The following PSD3 variants were observed in gnomAD, a reference collection of about 807,000 sequenced individuals.
PSD3 encodes pleckstrin and Sec7 domain containing 3, also known as PH and SEC7 domain-containing protein 3.
Under a neutral mutation model 105.5 loss-of-function variants are expected in PSD3, and 49 were observed. The observed-to-expected ratio is 0.46, with a 90% CI of 0.37 to 0.59. The LOEUF is 0.59. PSD3 is among the 20% of genes least tolerant of loss of function. The pLI is 0.00. For synonymous variants in PSD3, 557 were observed against 457.8 expected (o/e 1.22, Z -2.77); for missense variants, 1,561 against 1,263.8 (o/e 1.24, Z -3.57).
At chr8:18,753,403 G>C (rs1013995744) in intron 9 of PSD3, among the ~76,000 whole-genome samples, 1 of 151,514 alleles carries the variant, frequency 6.6e-6, no homozygotes. Flanking sequence ...AACTCCCTCT[G>C]ACAAGATGGT....
chr8:18,997,887 T>C (rs111265423), intron 1 of PSD3, among the ~76,000 whole-genome samples: 1,656 of 152,100 alleles, frequency 0.011, 50 homozygotes, highest in African/African-American at 0.038. Context: ...TGCCTTATTT[T>C]TCCCTGAAGG....
At chr8:18,924,133 G>T (rs1821210776) in intron 2 of PSD3, among the ~76,000 whole-genome samples, 1 of 152,112 alleles carries the variant, frequency 6.6e-6, no homozygotes, top group Non-Finnish European at 1.5e-5. Context: ...GGCCAGTGTG[G>T]AATAAGGTGG....
intron 12 of PSD3, among the ~76,000 whole-genome samples, chr8:18,589,317 T>C (rs974003322): frequency 6.6e-6 from 1 of 152,198 alleles, no homozygotes; most frequent in Non-Finnish European, 1.5e-5. Context: ...ATTTCTCCCT[T>C]GTCATGACCC....
chr8:18,870,249 A>C (rs1445567948), intron 3 of PSD3, among the ~76,000 whole-genome samples: 1 of 152,180 alleles, frequency 6.6e-6, no homozygotes, highest in African/African-American at 2.4e-5. Flanking sequence ...TATAAACTAT[A>C]AAATGTGGTG....
At chr8:18,814,826 T>A (rs1812069189) in intron 4 of PSD3, among the ~76,000 whole-genome samples, 1 of 151,378 alleles carries the variant, frequency 6.6e-6, no homozygotes, top group South Asian at 2.1e-4. Context: ...CCATTGGACA[T>A]TCTCTTCTGT....
chr8:18,946,318 G>A (rs923561661), intron 1 of PSD3, among the ~76,000 whole-genome samples: 14 of 152,106 alleles, frequency 9.2e-5, no homozygotes, highest in Non-Finnish European at 1.8e-4. Flanking sequence ...GGCTCATGCT[G>A]TAATCTCAAT....
At chr8:18,665,882 C>G (rs1164182227) in intron 9 of PSD3, among the ~76,000 whole-genome samples, 1 of 152,272 alleles carries the variant, frequency 6.6e-6, no homozygotes, top group South Asian at 2.1e-4. Flanking sequence ...AATGATGCAG[C>G]AAGCTTAATT....
At position 18,527,596 on chromosome 8, in the gene PSD3, G is replaced by C. The variant is rs930497287; in HGVS notation, c.*8147C>G. 6.6e-6 allele frequency: 1 copy of C among 152,500 alleles called. No individual in the cohort carries two copies. The highest frequency in any genetic ancestry group is 1.5e-5 in the Non-Finnish European group (1 of 68,024). The allele number at this position is 152,500 out of a possible 1,614,324, so 9.4% of individuals were successfully genotyped here. ...GATTTACTTGAACAACAGTGAAATA[G>C]GGTAATATTTATATACAACTATTTT... is the stretch of plus-strand genomic sequence containing the variant. On this transcript the variant is annotated 3_prime_UTR_variant, in exon 16 of 16. Coordinates refer to ENST00000327040, the MANE Select transcript of PSD3 (RefSeq NM_015310.4).
intron 8 of PSD3, among the ~76,000 whole-genome samples, chr8:18,790,575 T>A (rs1222837503): frequency 6.6e-6 from 1 of 152,062 alleles, no homozygotes; most frequent in Non-Finnish European, 1.5e-5. Flanking sequence ...GTGCTGGGAT[T>A]ACAGGCGTGA....
intron 3 of PSD3, 110 bp from the exon 4 acceptor site, chr8:18,868,179 A>C: frequency 8.4e-7 from 1 of 1,195,996 alleles, no homozygotes; most frequent in East Asian, 2.4e-5. Context: ...TCTTCTATTC[A>C]TTGACTTATA....
At chr8:19,062,824 A>G (rs1828949463) in intron 1 of PSD3, among the ~76,000 whole-genome samples, 1 of 152,238 alleles carries the variant, frequency 6.6e-6, no homozygotes, top group African/African-American at 2.4e-5. Flanking sequence ...CAGACATGTG[A>G]TCACTCACGT....
At chr8:18,873,364 C>T (rs1416760845) in intron 2 of PSD3, among the ~76,000 whole-genome samples, 6 of 152,138 alleles carry the variant, frequency 3.9e-5, no homozygotes, top group African/African-American at 9.7e-5. Context: ...TTCCAGGAAC[C>T]CAACTACGGA....
intron 8 of PSD3, among the ~76,000 whole-genome samples, chr8:18,784,112 C>A (rs1236087552): frequency 1.3e-5 from 2 of 151,988 alleles, no homozygotes; most frequent in Non-Finnish European, 2.9e-5. Flanking sequence ...TTTGTCCTAT[C>A]CTTGAGCATT....
intron 1 of PSD3, among the ~76,000 whole-genome samples, chr8:19,049,622 T>G (rs1828445171): frequency 6.8e-6 from 1 of 147,442 alleles, no homozygotes; most frequent in African/African-American, 2.5e-5. Context: ...GCCCAGGAGT[T>G]TGAGGCTGCT....
In PSD3 at chr8:18,667,936, C is replaced by T. The variant is rs974488114; in HGVS notation, c.2173-12251G>A. Among the ~76,000 whole-genome samples the T allele has an allele frequency of 6.8e-4, 104 of 152,368 alleles. 1 individual carries two copies. Among genetic ancestry groups the T allele is most frequent in the East Asian group, 5.8e-4 (3 of 5,184 alleles). ...CAGCTGCTGGCCCAGTTACTAAGCCCCTCACTGCCCGAGGCCAGCGGCACC... is the reference window on the plus strand; with the variant it reads ...CAGCTGCTGGCCCAGTTACTAAGCCTCTCACTGCCCGAGGCCAGCGGCACC... On this transcript the variant is annotated intron_variant, in intron 9 of 15. Coordinates refer to ENST00000327040, the MANE Select transcript of PSD3 (RefSeq NM_015310.4).
chr8:19,013,460 CG>C, intron 1 of PSD3, 102 bp downstream of exon 1: 1 of 1,509,814 alleles, frequency 6.6e-7, no homozygotes, highest in African/African-American at 1.4e-5. Flanking sequence ...CAGGTGGCCC[CG>C]GGATCCTGGG....
chr8:18,572,383 T>A, intron 14 of PSD3, 145 bp downstream of exon 14: 1 of 982,018 alleles, frequency 1.0e-6, no homozygotes, highest in Non-Finnish European at 1.5e-6. Context: ...GTACTGCATA[T>A]CTGCCTCATT....
chr8:18,881,085 G>A (rs1025146281), intron 2 of PSD3, among the ~76,000 whole-genome samples: 14 of 152,192 alleles, frequency 9.2e-5, no homozygotes, highest in Admixed American at 5.9e-4. Flanking sequence ...CTTTATCTGC[G>A]GCTTTGTGTA....
At position 18,590,899 on chromosome 8, in the gene PSD3, G is replaced by C. The variant is rs1250094039; in HGVS notation, c.2481+9465C>G. Among the ~76,000 whole-genome samples, 4 of 152,080 alleles carry C rather than the reference G, an allele frequency of 2.6e-5. No homozygotes were observed. In the East Asian group the frequency reaches 7.7e-4, roughly 29 times the overall value. The stretch of plus-strand genomic sequence containing the variant: ...TCTAAAAAACTTTTAATAAGAAACT[G>C]TTTATGATAACATACAGAGTGAAAA... On this transcript the variant is annotated intron_variant, in intron 12 of 15. Transcript: ENST00000327040.
Sources: allele counts gnomAD v4.1 joint callset (sites outside exome capture counted in the v4.1 genomes callset), GRCh38; gene constraint gnomAD v4.1.1; transcripts MANE v1.5; gene names NCBI Gene and HGNC (gene_info 2026-07-23, HGNC 2026-07-21).